Variants in KLHL36 observed in about 807,000 individuals in gnomAD.
The protein encoded by KLHL36 is kelch-like protein 36.
In KLHL36, 35 loss-of-function variants were observed where a neutral mutation model predicts 53.3. That is an observed-to-expected ratio of 0.66 (90% CI 0.50 to 0.87). The LOEUF (loss-of-function observed/expected upper bound fraction) is 0.87, where lower values mean the gene tolerates loss of function less well. Among genes scored for constraint, KLHL36 ranks in the 40% least tolerant of loss-of-function variants. KLHL36 has a pLI of 0.00. For synonymous variants in KLHL36, 472 were observed against 398.9 expected (o/e 1.18, Z -2.18); for missense variants, 864 against 897.6 (o/e 0.96, Z 0.48).
Position 84,650,851 on chromosome 16 carries a change from G to T in KLHL36, c.-16-1G>T. The T allele has an allele frequency of 6.2e-7, 1 of 1,608,864 alleles. No individual in the cohort carries two copies. Among genetic ancestry groups the T allele is most frequent in the Non-Finnish European group, 8.5e-7 (1 of 1,177,242 alleles). On this transcript the variant is annotated splice_acceptor_variant, in intron 1 of 4. Coordinates refer to ENST00000564996, the MANE Select transcript of KLHL36 (RefSeq NM_024731.4). LOFTEE classifies it low-confidence loss of function (5UTR_SPLICE). The stretch of plus-strand genomic sequence containing the variant: ...GCTCAGAAATCCTGTTCTTCTCCTA[G>T]GGCTGAAATCTCTTTAATGATGGAG...
intron 3 of KLHL36, chr16:84,659,538 A>T: frequency 1.9e-6 from 1 of 520,694 alleles, no homozygotes; most frequent in Non-Finnish European, 3.4e-6. Flanking sequence ...TTGGGGACTC[A>T]GAGCGTCTCC....
chr16:84,653,840 C>A (rs1310342447), intron 2 of KLHL36, among the ~76,000 whole-genome samples: 400 of 111,568 alleles, frequency 3.6e-3, no homozygotes, highest in Middle Eastern at 4.8e-3. Flanking sequence ...GCTCTGTATC[C>A]AAAAAAAAAA....
intron 2 of KLHL36, among the ~76,000 whole-genome samples, chr16:84,655,482 C>T (rs527493565): frequency 2.2e-4 from 34 of 151,760 alleles, no homozygotes; most frequent in Middle Eastern, 3.4e-3. Context: ...GAGGCTAAGG[C>T]GGAAGAATCA....
Position 84,662,742 on chromosome 16 carries a change from C to G in KLHL36, c.*609C>G, listed in dbSNP as rs1005386879. On this transcript the variant is annotated 3_prime_UTR_variant, in exon 5 of 5. Coordinates refer to ENST00000564996, the MANE Select transcript of KLHL36 (RefSeq NM_024731.4). ...CCATGAGGGTGAGTGAGTGAGTGAC[C>G]AGGGGCCACGCAGCTCGCTAGACTG... is the stretch of plus-strand genomic sequence containing the variant. 2 of 152,196 alleles carry G rather than the reference C, an allele frequency of 1.3e-5. No homozygotes were observed. Among genetic ancestry groups the G allele is most frequent in the Non-Finnish European group, 2.9e-5 (2 of 68,066 alleles). 9.4% of individuals were successfully genotyped at this position (152,196 alleles called of 1,614,324 possible).
intron 2 of KLHL36, among the ~76,000 whole-genome samples, chr16:84,655,966 C>G (rs1383508678): frequency 3.3e-5 from 5 of 152,012 alleles, no homozygotes; most frequent in African/African-American, 1.2e-4. Context: ...AATCATGGCT[C>G]ACTGCAGCCT....
chr16:84,655,647 T>G (rs958468153), intron 2 of KLHL36, among the ~76,000 whole-genome samples: 9 of 146,218 alleles, frequency 6.2e-5, no homozygotes, highest in Non-Finnish European at 1.2e-4. Context: ...AAGGGTGCAG[T>G]GAGCCGAGAT....
intron 2 of KLHL36, among the ~76,000 whole-genome samples, chr16:84,655,353 C>G (rs1907138087): frequency 6.6e-6 from 1 of 152,190 alleles, no homozygotes; most frequent in Non-Finnish European, 1.5e-5. Flanking sequence ...CTGTAGGACA[C>G]ATGTTAAGAA....
rs1240980284 is a variant in KLHL36 at position 84,666,262 on chromosome 16, GC to G, written c.*4133del. 6.6e-6 allele frequency: 1 copy of G among 152,110 alleles called. No homozygotes were observed. Among genetic ancestry groups the G allele is most frequent in the Non-Finnish European group, 1.5e-5 (1 of 68,022 alleles). 9.4% of individuals were successfully genotyped at this position (152,110 alleles called of 1,614,324 possible). A position where few individuals can be genotyped will look rare whatever the true frequency, so the allele number is the denominator to read the frequency against. Reference sequence around the variant, plus strand: ...TTTTCCACCTCATCCCTTTCCTCCGGCCCCTTGATTTGTGCTGGACAACAAA... The same window carrying G: ...TTTTCCACCTCATCCCTTTCCTCCGGCCCTTGATTTGTGCTGGACAACAAA... On this transcript the variant is annotated 3_prime_UTR_variant, in exon 5 of 5. Transcript: ENST00000564996.
intron 2 of KLHL36, among the ~76,000 whole-genome samples, chr16:84,654,704 G>A (rs1907100862): frequency 6.6e-6 from 1 of 152,142 alleles, no homozygotes; most frequent in South Asian, 2.1e-4. Flanking sequence ...TCCGCCTCCG[G>A]AGTGCAAGTG....
intron 2 of KLHL36, among the ~76,000 whole-genome samples, chr16:84,655,428 T>G (rs1242877485): frequency 6.6e-6 from 1 of 152,102 alleles, no homozygotes; most frequent in African/African-American, 2.4e-5. Context: ...ATTATAAAAA[T>G]CAGACAGGCG....
chr16:84,661,619 T>C lies in KLHL36; in HGVS notation c.1337T>C (p.Val446Ala), dbSNP rs1907552641. 6.2e-7 allele frequency: 1 copy of C among 1,609,900 alleles called. No individual in the cohort carries two copies. Among genetic ancestry groups the C allele is most frequent in the Non-Finnish European group, 8.5e-7 (1 of 1,178,082 alleles). ...GHAGTIYKDFVYISGGHDYQI... is the reference protein window; with the variant it reads ...GHAGTIYKDFAYISGGHDYQI... ...GCGGGCACCATCTACAAAGACTTCG[T>C]GTACATCTCGGGGGGCCACGACTAC... Residue 446 changes from valine to alanine, a missense_variant, in exon 5 of 5, where the codon GTG becomes GCG. Physicochemically the swap from Val to Ala is moderately conservative, Grantham distance 64. Coordinates refer to ENST00000564996, the MANE Select transcript of KLHL36 (RefSeq NM_024731.4). The surrounding 1 kb of genome is among the most constrained non-coding windows in gnomAD (Gnocchi z 7.9).
chr16:84,649,024 C>T (rs1685845550), intron 1 of KLHL36: 1 of 152,222 alleles, frequency 6.6e-6, no homozygotes, highest in Non-Finnish European at 1.5e-5. Context: ...GGAGACCCCG[C>T]CGGCGAGCCG....
Position 84,663,298 on chromosome 16 carries a change from G to C in KLHL36, c.*1165G>C, listed in dbSNP as rs573832038. ...AATACCCTCCAGGCTCCTCCCGGGT[G>C]ATAGGGCCATTCAGCCTCTGAGCTG... On this transcript the variant is annotated 3_prime_UTR_variant, in exon 5 of 5. Coordinates refer to ENST00000564996, the MANE Select transcript of KLHL36 (RefSeq NM_024731.4). 6.6e-6 allele frequency: 1 copy of C among 152,308 alleles called. No individual in the cohort carries two copies. The highest frequency in any genetic ancestry group is 1.5e-5 in the Non-Finnish European group (1 of 68,112). The allele number at this position is 152,308 out of a possible 1,614,324, so 9.4% of individuals were successfully genotyped here.
In KLHL36 at chr16:84,661,769, A is replaced by T. The variant is rs202120364; in HGVS notation, c.1487A>T (p.Tyr496Phe). The T allele has an allele frequency of 7.4e-6, 12 of 1,612,052 alleles. No individual in the cohort carries two copies. The highest frequency in any genetic ancestry group is 3.3e-4 in the Middle Eastern group (2 of 6,056). ...ATGTGCAGCCTGGGTGACAGCATCT[A>T]CTCCATCGGGGGCAGCGATGACAAC... Reference protein sequence around the residue: ...HSMCSLGDSIYSIGGSDDNIE... With the variant: ...HSMCSLGDSIFSIGGSDDNIE... The change falls in exon 5 of 5, where the codon TAC becomes TTC. Residue 496 changes from tyrosine to phenylalanine, a missense_variant. Physicochemically the swap from Tyr to Phe is conservative, Grantham distance 22. Coordinates refer to ENST00000564996, the MANE Select transcript of KLHL36 (RefSeq NM_024731.4). The surrounding 1 kb of genome is among the most constrained non-coding windows in gnomAD (Gnocchi z 7.9).
chr16:84,650,971 G>T, intron 2 of KLHL36, 41 bp downstream of exon 2: 1 of 1,497,068 alleles, frequency 6.7e-7, no homozygotes, highest in Non-Finnish European at 9.1e-7. Context: ...AATTGCCTAA[G>T]AAGTGTGATC....
chr16:84,651,060 A>T (rs1201808665), intron 2 of KLHL36, 130 bp downstream of exon 2: 3 of 731,016 alleles, frequency 4.1e-6, no homozygotes, highest in Non-Finnish European at 6.7e-6. Context: ...ATGACAAGTA[A>T]AGGTGGAAAC....
intron 3 of KLHL36, chr16:84,658,966 C>T (rs12445708): frequency 0.24 from 36,213 of 151,314 alleles, 5,065 homozygotes; most frequent in Non-Finnish European, 0.32. Flanking sequence ...GCCTTGGATT[C>T]GTTTAAAAAA....
At chr16:84,654,186 C>T (rs527779609) in intron 2 of KLHL36, among the ~76,000 whole-genome samples, 3 of 152,332 alleles carry the variant, frequency 2.0e-5, no homozygotes, top group Non-Finnish European at 2.9e-5. Context: ...CCAGGGTCCC[C>T]GGGTGGCAGA....
intron 1 of KLHL36, among the ~76,000 whole-genome samples, chr16:84,649,494 C>T (rs1906695489): frequency 7.3e-6 from 1 of 137,926 alleles, no homozygotes; most frequent in African/African-American, 2.6e-5. Context: ...GGTGTCACCT[C>T]TCAGCGTGAA....
Sources: gnomAD v4.1 joint callset for allele counts (sites outside exome capture counted in the v4.1 genomes callset) on GRCh38, gnomAD v4.1.1 for gene constraint, Gnocchi (gnomAD v3.1) non-coding constraint, MANE v1.5 for transcripts, NCBI Gene and HGNC (gene_info 2026-07-23, HGNC 2026-07-21) for gene names.